Variants in MOXD1 observed in about 807,000 individuals in gnomAD.
MOXD1 encodes the protein monooxygenase DBH like 1.
MOXD1 carries 62 observed loss-of-function variants against 66.6 expected under a neutral mutation model. The observed-to-expected ratio is 0.93, with a 90% CI of 0.76 to 1.15. MOXD1 has a LOEUF of 1.15. Among genes scored for constraint, MOXD1 ranks in the 50% most tolerant of loss-of-function variants. MOXD1 has a pLI of 0.00. For missense variants in MOXD1, 847 were observed against 754.6 expected (o/e 1.12, Z -1.44); for synonymous variants, 303 against 281.9 (o/e 1.07, Z -0.75).
At chr6:132,392,579 C>T (rs1457864758) in intron 1 of MOXD1, among the ~76,000 whole-genome samples, 1 of 152,146 alleles carries the variant, frequency 6.6e-6, no homozygotes, top group African/African-American at 2.4e-5. Context: ...GAGAGCTGAA[C>T]TGATTCACTG....
chr6:132,343,590 A>G (rs929883712), intron 4 of MOXD1, among the ~76,000 whole-genome samples: 9 of 151,932 alleles, frequency 5.9e-5, no homozygotes, highest in Non-Finnish European at 1.2e-4. Flanking sequence ...AAAAAAGTCC[A>G]TGGAAAAGAG....
At chr6:132,342,950 A>G (rs113913855) in intron 4 of MOXD1, among the ~76,000 whole-genome samples, 4 of 152,322 alleles carry the variant, frequency 2.6e-5, no homozygotes, top group African/African-American at 9.6e-5. Context: ...ATGGAGGATG[A>G]AAAACTGCAG....
intron 4 of MOXD1, among the ~76,000 whole-genome samples, chr6:132,368,751 T>C (rs1776197301): frequency 6.6e-6 from 1 of 152,128 alleles, no homozygotes; most frequent in Admixed American, 6.6e-5. Context: ...CTTTGCTTAG[T>C]CTTATAGTTA....
At position 132,316,913 on chromosome 6, in the gene MOXD1, C is replaced by T. The variant is rs548592329; in HGVS notation, c.1366-1136G>A. ...AAATAATCCCCAATTTAATGAAAAA[C>T]ATTAACTTACAGACCCAAGAAGCTC... On this transcript the variant is annotated intron_variant, in intron 9 of 11. Transcript: ENST00000367963. Among the ~76,000 whole-genome samples, 18 of 152,008 alleles carry T rather than the reference C, an allele frequency of 1.2e-4. 1 individual carries two copies. In the South Asian group the frequency reaches 3.7e-3, roughly 32 times the overall value.
At chr6:132,353,917 G>A (rs1232461317) in intron 4 of MOXD1, among the ~76,000 whole-genome samples, 1 of 151,900 alleles carries the variant, frequency 6.6e-6, no homozygotes, top group Non-Finnish European at 1.5e-5. Flanking sequence ...CCTTGTCTTT[G>A]AGCTCCGAAT....
At position 132,343,465 on chromosome 6, in the gene MOXD1, CTCAGGAGGCTGAGGCAGGAGAG is replaced by C. The variant is rs1775605135; in HGVS notation, c.664-14893_664-14872del. 2.0e-5 allele frequency among the ~76,000 whole-genome samples: 3 copies of C among 152,190 alleles called. No individual in the cohort carries two copies. The South Asian group carries it at 6.2e-4, about 32-fold the overall frequency. The stretch of plus-strand genomic sequence containing the variant: ...TGGTGCACACCTGTAATATCAGCTA[CTCAGGAGGCTGAGGCAGGAGAG>C]TCACTTGAACCCAGAAGGCAGAGGT... On this transcript the variant is annotated intron_variant, in intron 4 of 11. Coordinates refer to ENST00000367963, the MANE Select transcript of MOXD1 (RefSeq NM_015529.4).
intron 4 of MOXD1, among the ~76,000 whole-genome samples, chr6:132,346,867 T>C (rs1411295392): frequency 1.3e-5 from 2 of 152,212 alleles, no homozygotes; most frequent in Middle Eastern, 3.2e-3. Flanking sequence ...CTCCCCATTA[T>C]TGGCTTGAGT....
At chr6:132,383,754 C>T (rs1177874798) in intron 1 of MOXD1, among the ~76,000 whole-genome samples, 1 of 152,198 alleles carries the variant, frequency 6.6e-6, no homozygotes, top group Non-Finnish European at 1.5e-5. Flanking sequence ...TTCATCCTAT[C>T]CCATCACCTT....
chr6:132,390,417 A>C (rs1159739979), intron 1 of MOXD1: 1 of 151,458 alleles, frequency 6.6e-6, no homozygotes, highest in East Asian at 1.9e-4. Flanking sequence ...ACACAGACAC[A>C]CTGCTTATCA....
At chr6:132,329,072 G>A (rs950462210) in intron 4 of MOXD1, among the ~76,000 whole-genome samples, 16 of 152,036 alleles carry the variant, frequency 1.1e-4, no homozygotes, top group Admixed American at 5.9e-4. Context: ...CCATTAACTC[G>A]TCATTTACAT....
At position 132,328,235 on chromosome 6, in the gene MOXD1, T is replaced by C. The variant is rs187976345; in HGVS notation, c.844-120A>G. The C allele has an allele frequency of 1.5e-3, 1,848 of 1,202,160 alleles. 15 individuals carry two copies. The highest frequency in any genetic ancestry group is 0.013 in the Middle Eastern group (68 of 5,092). 74.5% of individuals were successfully genotyped at this position (1,202,160 alleles called of 1,614,324 possible). On this transcript the variant is annotated intron_variant, in intron 5 of 11. Transcript: ENST00000367963. Reference sequence around the variant, plus strand: ...CCTCTGGAACCCCATTCATCTACAATTGATGAAATAAAATAAAAATGACTT... The same window carrying C: ...CCTCTGGAACCCCATTCATCTACAACTGATGAAATAAAATAAAAATGACTT...
intron 4 of MOXD1, among the ~76,000 whole-genome samples, chr6:132,332,783 G>A (rs1020568851): frequency 2.6e-5 from 4 of 152,170 alleles, no homozygotes; most frequent in Non-Finnish European, 5.9e-5. Flanking sequence ...CCCACAACAA[G>A]TTCTACAAAC....
At chr6:132,358,994 C>T (rs1775959633) in intron 4 of MOXD1, among the ~76,000 whole-genome samples, 1 of 152,158 alleles carries the variant, frequency 6.6e-6, no homozygotes, top group African/African-American at 2.4e-5. Flanking sequence ...ACACAGCTGA[C>T]ATTAGCGATG....
chr6:132,316,169 T>C (rs1383215278), intron 9 of MOXD1, among the ~76,000 whole-genome samples: 1 of 102,678 alleles, frequency 9.7e-6, no homozygotes, highest in Non-Finnish European at 1.7e-5. Context: ...AGCAGCTGCA[T>C]ACGACGGGGA....
chr6:132,333,619 A>G (rs1478345215), intron 4 of MOXD1, among the ~76,000 whole-genome samples: 1 of 152,232 alleles, frequency 6.6e-6, no homozygotes, highest in Non-Finnish European at 1.5e-5. Flanking sequence ...GAAGAAATAA[A>G]TAAAAAGAAA....
intron 8 of MOXD1, among the ~76,000 whole-genome samples, chr6:132,321,005 G>A (rs1194734737): frequency 3.3e-5 from 5 of 152,150 alleles, no homozygotes; most frequent in African/African-American, 9.7e-5. Context: ...GGTGGCTCAC[G>A]CCTGTAATCC....
intron 1 of MOXD1, among the ~76,000 whole-genome samples, chr6:132,398,105 G>T (rs561689075): frequency 6.6e-6 from 1 of 152,160 alleles, no homozygotes; most frequent in African/African-American, 2.4e-5. Context: ...ACATCCTTGT[G>T]TACACATTAT....
At chr6:132,303,819 G>T (rs887617041) in intron 10 of MOXD1, among the ~76,000 whole-genome samples, 1 of 91,058 alleles carries the variant, frequency 1.1e-5, no homozygotes, top group Non-Finnish European at 2.1e-5. Context: ...GTGTGTGTGT[G>T]TGTGTGTGTG....
chr6:132,400,413 C>T, intron 1 of MOXD1, among the ~76,000 whole-genome samples: 1 of 147,430 alleles, frequency 6.8e-6, no homozygotes, highest in South Asian at 2.2e-4. Flanking sequence ...CTTCTTCTTC[C>T]TTTTTTTTTT....
Sources: gnomAD v4.1 joint callset for allele counts (sites outside exome capture counted in the v4.1 genomes callset) on GRCh38, gnomAD v4.1.1 for gene constraint, MANE v1.5 for transcripts, NCBI Gene and HGNC (gene_info 2026-07-23, HGNC 2026-07-21) for gene names.